The following TAS1R3 variants were observed in gnomAD, a reference collection of about 807,000 sequenced individuals.
The protein encoded by TAS1R3 is taste 1 receptor member 3, also known as taste receptor type 1 member 3.
TAS1R3 carries 58 observed loss-of-function variants against 46.1 expected under a neutral mutation model. The observed-to-expected ratio is 1.26, with a 90% CI of 1.02 to 1.57. The LOEUF is 1.57. Ranked by LOEUF, TAS1R3 falls within the 40% of genes most tolerant of loss-of-function variation. The pLI is 0.00. For synonymous variants in TAS1R3, 724 were observed against 544.7 expected (o/e 1.33, Z -4.58); for missense variants, 1,422 against 1,185.8 (o/e 1.20, Z -2.93).
rs751759848 is a variant in TAS1R3 at position 1,333,089 on chromosome 1, C to G, written c.1444C>G (p.Arg482Gly). Reference sequence around the variant, plus strand: ...GTTCAACGGCAGCCTCAGGACAGAGCGCCTGAAGATCCGCTGGCACACGTC... The same window carrying G: ...GTTCAACGGCAGCCTCAGGACAGAGGGCCTGAAGATCCGCTGGCACACGTC... Reference protein sequence around the residue: ...GRFNGSLRTERLKIRWHTSDN... With the variant: ...GRFNGSLRTEGLKIRWHTSDN... Residue 482 changes from arginine (R) to glycine (G), a missense_variant, in exon 4 of 6, where the codon CGC becomes GGC. Coordinates refer to ENST00000339381, the MANE Select transcript of TAS1R3 (RefSeq NM_152228.3). 2.5e-6 allele frequency: 4 copies of G among 1,612,304 alleles called. No homozygotes were observed. Among genetic ancestry groups the G allele is most frequent in the Admixed American group, 3.3e-5 (2 of 59,986 alleles).
Position 1,335,294 on chromosome 1 carries a change from G to A in TAS1R3, c.*830G>A, listed in dbSNP as rs970151543. The A allele has an allele frequency of 3.3e-5, 5 of 152,254 alleles. No homozygotes were observed. The highest frequency in any genetic ancestry group is 2.1e-4 in the South Asian group (1 of 4,838). 9.4% of individuals were successfully genotyped at this position (152,254 alleles called of 1,614,324 possible). On this transcript the variant is annotated 3_prime_UTR_variant, in exon 6 of 6. Coordinates refer to ENST00000339381, the MANE Select transcript of TAS1R3 (RefSeq NM_152228.3). ...ACACATCTGTCCCATAAAATTAAAC[G>A]CTTTTTAGTGTTTAAAATAAGCAGC...
chr1:1,333,446 C>CT lies in TAS1R3; in HGVS notation c.1601-59dup, dbSNP rs572792689. On this transcript the variant is annotated intron_variant, in intron 5 of 5. Coordinates refer to ENST00000339381, the MANE Select transcript of TAS1R3 (RefSeq NM_152228.3). ...GGGAGGGTCCTGCCAAGTCCTGACTCTGAGACCAGAGCCCACAGGGTACAA... is the reference window on the plus strand; with the variant it reads ...GGGAGGGTCCTGCCAAGTCCTGACTCTTGAGACCAGAGCCCACAGGGTACAA... The CT allele has an allele frequency of 2.0e-4, 316 of 1,605,882 alleles. No individual in the cohort carries two copies. In the African/African-American group the frequency reaches 3.6e-3, roughly 18 times the overall value.
rs1036473613 is a variant in TAS1R3, at chr1:1,332,600, A to G, written c.1069A>G (p.Arg357Gly). ...GGCCTTCTGCTCTGCCCTGGGCGAG[A>G]GGGAGCAGGGTCTGGAGGAGGACGT... ...DPAFCSALGE[R>G]EQGLEEDVVG... Residue 357 changes from arginine to glycine, a missense_variant, in exon 3 of 6, where the codon AGG becomes GGG. By Grantham distance (125) the Arg-to-Gly change is moderately radical. Coordinates refer to ENST00000339381, the MANE Select transcript of TAS1R3 (RefSeq NM_152228.3). The G allele has an allele frequency of 6.2e-7, 1 of 1,610,986 alleles. No individual in the cohort carries two copies. The highest frequency in any genetic ancestry group is 1.3e-5 in the African/African-American group (1 of 74,908).
intron 3 of TAS1R3, 43 bp downstream of exon 3, chr1:1,332,849 C>T: frequency 1.3e-6 from 2 of 1,588,778 alleles, no homozygotes; most frequent in African/African-American, 1.3e-5. Flanking sequence ...TGCATGTGCC[C>T]AGGCCACCAG....
Position 1,333,564 on chromosome 1 carries a change from C to T in TAS1R3, c.1659C>T (p.Arg553=). 6.2e-7 allele frequency: 1 copy of T among 1,605,340 alleles called. No individual in the cohort carries two copies. Among genetic ancestry groups the T allele is most frequent in the Non-Finnish European group, 8.5e-7 (1 of 1,179,882 alleles). ...AGTGGTCCCCGGAGCGAAGCACACG[C>T]TGCTTCCGCCGCAGGTCTCGGTTCC... The part of the protein sequence containing the change: ...QDEWSPERST[R]CFRRRSRFLA... The change falls in exon 6 of 6, where the codon CGC becomes CGT. Residue 553 remains arginine (R), a synonymous_variant. Coordinates refer to ENST00000339381, the MANE Select transcript of TAS1R3 (RefSeq NM_152228.3).
chr1:1,333,241 C>A lies in TAS1R3; in HGVS notation c.1480-18C>A, dbSNP rs780752240. Reference sequence around the variant, plus strand: ...GCATGCCCAGCCGAGCAGAGCCAGACCCCAGGCCTGTGCGCAGAAGCCCGT... The same window carrying A: ...GCATGCCCAGCCGAGCAGAGCCAGAACCCAGGCCTGTGCGCAGAAGCCCGT... On this transcript the variant is annotated intron_variant, in intron 4 of 5. Transcript: ENST00000339381. 3.1e-6 allele frequency: 5 copies of A among 1,598,282 alleles called. No homozygotes were observed. Among genetic ancestry groups the A allele is most frequent in the Non-Finnish European group, 4.3e-6 (5 of 1,175,532 alleles).
In TAS1R3 at chr1:1,331,958, A is replaced by ACACCCCCCC; in HGVS notation, c.492+21_492+22insACCCCCCCC. ...CCCCAGGTGGGCGCCCCCCACCATC[A>ACACCCCCCC]CCCACCCCCACCCAGCCCTGCCCGT... On this transcript the variant is annotated intron_variant, in intron 2 of 5. Transcript: ENST00000339381. The ACACCCCCCC allele has an allele frequency of 6.5e-7, 1 of 1,539,248 alleles. No individual in the cohort carries two copies. The highest frequency in any genetic ancestry group is 8.8e-7 in the Non-Finnish European group (1 of 1,141,774).
rs150310565 is a variant in TAS1R3, at chr1:1,331,542, G to T, written c.191+6G>T. ...AGCAGCCCTGTGTGCACCAGGTACA[G>T]AGGTGGGACGGCCTGGGTCGGGGTC... On this transcript the variant is annotated splice_donor_region_variant and intron_variant, in intron 1 of 5. Transcript: ENST00000339381. 1 of 1,597,996 alleles carries T rather than the reference G, an allele frequency of 6.3e-7. No individual in the cohort carries two copies. The highest frequency in any genetic ancestry group is 8.5e-7 in the Non-Finnish European group (1 of 1,172,650).
Position 1,334,282 on chromosome 1 carries a change from G to A in TAS1R3, c.2377G>A (p.Val793Met), listed in dbSNP as rs757930984. Residue 793 changes from valine to methionine, a missense_variant, in exon 6 of 6, where the codon GTG (valine) becomes ATG (methionine). By Grantham distance (21) the Val-to-Met change is conservative. Transcript: ENST00000339381. ...TGTGCAGGTGGTCCTCAGGCCCGCC[G>A]TGCAGATGGGCGCCCTCCTGCTCTG... ...ANVQVVLRPA[V>M]QMGALLLCVL... is the part of the protein sequence containing the mutation. The A allele has an allele frequency of 2.2e-5, 36 of 1,611,572 alleles. No homozygotes were observed. The highest frequency in any genetic ancestry group is 1.8e-4 in the South Asian group (16 of 90,970).
Position 1,334,085 on chromosome 1 carries a change from G to C in TAS1R3, c.2180G>C (p.Trp727Ser). 1 of 1,594,450 alleles carries C rather than the reference G, an allele frequency of 6.3e-7. No homozygotes were observed. Among genetic ancestry groups the C allele is most frequent in the Non-Finnish European group, 8.5e-7 (1 of 1,172,614 alleles). ...EALVHCRTRS[W>S]VSFGLAHATN... is the part of the protein sequence containing the mutation. ...CTGGTGCACTGCCGCACACGCTCCT[G>C]GGTCAGCTTCGGCCTAGCGCACGCC... The change falls in exon 6 of 6, where the codon TGG (tryptophan) becomes TCG (serine). Residue 727 changes from tryptophan (W) to serine (S), a missense_variant. Coordinates refer to ENST00000339381, the MANE Select transcript of TAS1R3 (RefSeq NM_152228.3).
chr1:1,333,247 GC>G lies in TAS1R3; in HGVS notation c.1480-10del. On this transcript the variant is annotated splice_polypyrimidine_tract_variant and intron_variant, in intron 4 of 5. Transcript: ENST00000339381. ...CCAGCCGAGCAGAGCCAGACCCCAG[GC>G]CTGTGCGCAGAAGCCCGTGTCCCGG... The G allele has an allele frequency of 6.3e-7, 1 of 1,598,542 alleles. No individual in the cohort carries two copies. The highest frequency in any genetic ancestry group is 8.5e-7 in the Non-Finnish European group (1 of 1,175,414).
chr1:1,332,786 G>C lies in TAS1R3; in HGVS notation c.1255G>C (p.Asp419His). Residue 419 changes from aspartate to histidine, a missense_variant, in exon 3 of 6, where the codon GAC (aspartate) becomes CAC (histidine). Coordinates refer to ENST00000339381, the MANE Select transcript of TAS1R3 (RefSeq NM_152228.3). The stretch of plus-strand genomic sequence containing the variant: ...CAACGCCTCAGGCTGCCCCGCGCAG[G>C]ACCCCGTGAAGCCCTGGCAGGTGAG... ...QCNASGCPAQDPVKPWQLLEN... is the reference protein window; with the variant it reads ...QCNASGCPAQHPVKPWQLLEN... 1 of 1,605,474 alleles carries C rather than the reference G, an allele frequency of 6.2e-7. No homozygotes were observed. The highest frequency in any genetic ancestry group is 1.7e-4 in the Middle Eastern group (1 of 6,056).
In TAS1R3 at chr1:1,333,141, T is replaced by C. The variant is rs377146414; in HGVS notation, c.1479+17T>C. The stretch of plus-strand genomic sequence containing the variant: ...GACAACCAGGTGAGGTGAGGGTGGG[T>C]GTGCCAGGCGTGCCCGTGGTAGCCC... On this transcript the variant is annotated intron_variant, in intron 4 of 5. Coordinates refer to ENST00000339381, the MANE Select transcript of TAS1R3 (RefSeq NM_152228.3). The C allele has an allele frequency of 1.7e-5, 27 of 1,605,966 alleles. No individual in the cohort carries two copies. The highest frequency in any genetic ancestry group is 2.3e-5 in the Non-Finnish European group (27 of 1,177,034).
At position 1,332,149 on chromosome 1, in the gene TAS1R3, G is replaced by T. The variant is rs774856840; in HGVS notation, c.618G>T (p.Trp206Cys). The change falls in exon 3 of 6, where the codon TGG (tryptophan) becomes TGT (cysteine). Residue 206 changes from tryptophan (W) to cysteine (C), a missense_variant. Trp to Cys is a radical substitution (Grantham distance 215, BLOSUM62 -2). Coordinates refer to ENST00000339381, the MANE Select transcript of TAS1R3 (RefSeq NM_152228.3). ...AAAELLQEFG[W>C]NWVAALGSDD... is the part of the protein sequence containing the mutation. The stretch of plus-strand genomic sequence containing the variant: ...CGGAGCTGCTGCAGGAGTTCGGCTG[G>T]AACTGGGTGGCCGCCCTGGGCAGCG... The T allele has an allele frequency of 1.0e-5, 16 of 1,598,558 alleles. No individual in the cohort carries two copies. Among genetic ancestry groups the T allele is most frequent in the African/African-American group, 1.3e-5 (1 of 74,920 alleles).
chr1:1,331,515 C>T lies in TAS1R3; in HGVS notation c.170C>T (p.Pro57Leu). ...EEAGLRSRTR[P>L]SSPVCTRFSS... ...GCTGGCCTCCGCAGCCGGACACGGC[C>T]CAGCAGCCCTGTGTGCACCAGGTAC... Residue 57 changes from proline to leucine, a missense_variant, in exon 1 of 6, where the codon CCC (proline) becomes CTC (leucine). By Grantham distance (98) the Pro-to-Leu change is moderately conservative. Coordinates refer to ENST00000339381, the MANE Select transcript of TAS1R3 (RefSeq NM_152228.3). 6.2e-7 allele frequency: 1 copy of T among 1,600,910 alleles called. No individual in the cohort carries two copies. The highest frequency in any genetic ancestry group is 1.1e-5 in the South Asian group (1 of 89,872).
In TAS1R3 at chr1:1,334,479, C is replaced by G. The variant is rs150531289; in HGVS notation, c.*15C>G. 300 of 1,511,190 alleles carry G rather than the reference C, an allele frequency of 2.0e-4. 1 individual carries two copies. The East Asian group carries it at 6.4e-3, about 32-fold the overall frequency. The allele number at this position is 1,511,190 out of a possible 1,614,324, so 93.6% of individuals were successfully genotyped here. On this transcript the variant is annotated 3_prime_UTR_variant, in exon 6 of 6. Coordinates refer to ENST00000339381, the MANE Select transcript of TAS1R3 (RefSeq NM_152228.3). The stretch of plus-strand genomic sequence containing the variant: ...AACATGAGTGACCCAACCCTGTGAT[C>G]TCAGCCCCGGTGAACCCAGACTTAG...
rs1464715482 is a variant in TAS1R3 at position 1,331,635 on chromosome 1, C to T, written c.192-3C>T. On this transcript the variant is annotated splice_polypyrimidine_tract_variant and splice_region_variant and intron_variant, in intron 1 of 5. Transcript: ENST00000339381. ...GGCCATCTGCGGTTCTGTGTGGCCC[C>T]AGGTTCTCCTCAAACGGCCTGCTCT... 2 of 1,608,944 alleles carry T rather than the reference C, an allele frequency of 1.2e-6. No homozygotes were observed. The highest frequency in any genetic ancestry group is 8.5e-7 in the Non-Finnish European group (1 of 1,177,068).
rs375596902 is a variant in TAS1R3 at position 1,334,170 on chromosome 1, G to A, written c.2265G>A (p.Pro755=). The A allele has an allele frequency of 6.2e-5, 98 of 1,591,972 alleles. No individual in the cohort carries two copies. The highest frequency in any genetic ancestry group is 7.3e-5 in the Non-Finnish European group (85 of 1,169,526). ...FLGTFLVRSQ[P]GCYNRARGLT... ...GCACTTTCCTGGTGCGGAGCCAGCCGGGCTGCTACAACCGTGCCCGTGGCC... is the reference window on the plus strand; with the variant it reads ...GCACTTTCCTGGTGCGGAGCCAGCCAGGCTGCTACAACCGTGCCCGTGGCC... The change falls in exon 6 of 6, where the codon CCG becomes CCA. Residue 755 remains proline, a synonymous_variant. Coordinates refer to ENST00000339381, the MANE Select transcript of TAS1R3 (RefSeq NM_152228.3).
rs1643459652 is a variant in TAS1R3 at position 1,332,763 on chromosome 1, A to G, written c.1232A>G (p.Asn411Ser). Residue 411 changes from asparagine to serine, a missense_variant, in exon 3 of 6, where the codon AAC (asparagine) becomes AGC (serine). Physicochemically the swap from Asn to Ser is conservative, Grantham distance 46. Transcript: ENST00000339381. ...AQALHNTLQC[N>S]ASGCPAQDPV... ...GCCCTGCACAACACTCTTCAGTGCA[A>G]CGCCTCAGGCTGCCCCGCGCAGGAC... is the stretch of plus-strand genomic sequence containing the variant. 6.2e-7 allele frequency: 1 copy of G among 1,605,946 alleles called. No individual in the cohort carries two copies. Among genetic ancestry groups the G allele is most frequent in the Admixed American group, 1.7e-5 (1 of 59,960 alleles).
Sources: gnomAD v4.1 joint callset for allele counts on GRCh38, gnomAD v4.1.1 for gene constraint, MANE v1.5 for transcripts, NCBI Gene and HGNC (gene_info 2026-07-23, HGNC 2026-07-21) for gene names.